ASAP2: variants seen among roughly 807,000 people sequenced by gnomAD.
ASAP2 encodes ArfGAP with SH3 domain, ankyrin repeat and PH domain 2.
ASAP2 carries 45 observed loss-of-function variants against 131.4 expected under a neutral mutation model. The observed-to-expected ratio is 0.34, with a 90% CI of 0.27 to 0.44. ASAP2 has a LOEUF of 0.44. Among genes scored for constraint, ASAP2 ranks in the 20% least tolerant of loss-of-function variants. The pLI is 1.00. For missense variants in ASAP2, 1,011 were observed against 1,297.0 expected (o/e 0.78, Z 3.39); for synonymous variants, 510 against 503.0 (o/e 1.01, Z -0.19).
At chr2:9,233,160 G>T (rs1201468071) in intron 1 of ASAP2, among the ~76,000 whole-genome samples, 2 of 152,216 alleles carry the variant, frequency 1.3e-5, no homozygotes, top group African/African-American at 4.8e-5. Context: ...GGAGGGCTGG[G>T]AGGTTAACCC....
chr2:9,314,680 T>C (rs1224268284), intron 3 of ASAP2, among the ~76,000 whole-genome samples: 4 of 152,054 alleles, frequency 2.6e-5, no homozygotes, highest in Non-Finnish European at 1.5e-5. Context: ...ATACCTGTAA[T>C]CCCAGGTCTT....
chr2:9,347,858 G>A (rs1672069913), intron 11 of ASAP2, among the ~76,000 whole-genome samples: 1 of 152,168 alleles, frequency 6.6e-6, no homozygotes, highest in African/African-American at 2.4e-5. Context: ...GATCAGTCAT[G>A]AAGAAAGAAG....
At chr2:9,212,848 C>T (rs1165657516) in intron 1 of ASAP2, among the ~76,000 whole-genome samples, 1 of 152,164 alleles carries the variant, frequency 6.6e-6, no homozygotes, top group Non-Finnish European at 1.5e-5. Context: ...ACAATTTTTA[C>T]AGCATCTCCA....
intron 20 of ASAP2, among the ~76,000 whole-genome samples, chr2:9,381,789 G>C (rs1674867477): frequency 6.6e-6 from 1 of 152,086 alleles, no homozygotes; most frequent in African/African-American, 2.4e-5. Context: ...TGCAGTCCCA[G>C]CTACTGGGGA....
rs983098090 is a variant in ASAP2, at chr2:9,311,229, A to AAAAAAT, written c.346-7283_346-7278dup. Among the ~76,000 whole-genome samples the AAAAAAT allele has an allele frequency of 6.6e-6, 1 of 151,952 alleles. No homozygotes were observed. The highest frequency in any genetic ancestry group is 2.4e-5 in the African/African-American group (1 of 41,354). On this transcript the variant is annotated intron_variant, in intron 3 of 27. Coordinates refer to ENST00000281419, the MANE Select transcript of ASAP2 (RefSeq NM_003887.3). The surrounding 1 kb of genome is among the most constrained non-coding windows in gnomAD (Gnocchi z 5.2). ...CAACATGGGGAGACCCTGTCTTGAC[A>AAAAAAT]AAAAATAAAAATAAAAAAATTAGCC...
intron 15 of ASAP2, among the ~76,000 whole-genome samples, chr2:9,365,965 C>T (rs1384502936): frequency 6.6e-6 from 1 of 152,132 alleles, no homozygotes; most frequent in Admixed American, 6.5e-5. Flanking sequence ...GGCTCAATTT[C>T]TGCCTCAGTG....
At chr2:9,295,354 G>A (rs547580107) in intron 2 of ASAP2, among the ~76,000 whole-genome samples, 25 of 152,260 alleles carry the variant, frequency 1.6e-4, no homozygotes, top group Non-Finnish European at 2.8e-4. Flanking sequence ...CATGTCTTAC[G>A]AAGTTTAGAA....
At chr2:9,399,848 C>A in intron 24 of ASAP2, 175 bp from the exon 25 acceptor site, 1 of 651,188 alleles carries the variant, frequency 1.5e-6, no homozygotes, top group Non-Finnish European at 2.6e-6. Context: ...TTAGCACTTT[C>A]CTCAGGGCCT....
chr2:9,249,186 C>G (rs750002512), intron 1 of ASAP2, among the ~76,000 whole-genome samples: 1 of 152,186 alleles, frequency 6.6e-6, no homozygotes, highest in Non-Finnish European at 1.5e-5. Flanking sequence ...CAGTTTCTTT[C>G]CTCTGTCAGA....
intron 3 of ASAP2, among the ~76,000 whole-genome samples, chr2:9,303,415 C>T (rs552964097): frequency 6.6e-5 from 10 of 152,250 alleles, no homozygotes; most frequent in South Asian, 6.2e-4. Context: ...CACGATGCTG[C>T]GAGCTGAAGA....
rs759476220 is a variant in ASAP2, at chr2:9,297,457, T to A, written c.345+12T>A. Reference sequence around the variant, plus strand: ...TTTTCAAAAACCTGGTAAGCAGCTCTGTGTATGAAATGCTGCGGTTACTTC... The same window carrying A: ...TTTTCAAAAACCTGGTAAGCAGCTCAGTGTATGAAATGCTGCGGTTACTTC... On this transcript the variant is annotated intron_variant, in intron 3 of 27. Transcript: ENST00000281419. 3.1e-6 allele frequency: 5 copies of A among 1,613,804 alleles called. No homozygotes were observed. The highest frequency in any genetic ancestry group is 4.2e-6 in the Non-Finnish European group (5 of 1,179,776).
intron 9 of ASAP2, among the ~76,000 whole-genome samples, chr2:9,341,345 T>A (rs1293846201): frequency 1.3e-5 from 2 of 152,172 alleles, no homozygotes; most frequent in Non-Finnish European, 2.9e-5. Flanking sequence ...TTAAACAGAT[T>A]ATATTCCTCT....
intron 15 of ASAP2, among the ~76,000 whole-genome samples, chr2:9,367,413 T>C (rs1673566038): frequency 6.6e-6 from 1 of 152,190 alleles, no homozygotes; most frequent in African/African-American, 2.4e-5. Context: ...AAATATGTTT[T>C]CTCAAAGCAC....
At chr2:9,322,942 C>G (rs1427015101) in intron 5 of ASAP2, among the ~76,000 whole-genome samples, 179 bp from the exon 6 acceptor site, 1 of 152,124 alleles carries the variant, frequency 6.6e-6, no homozygotes, top group African/African-American at 2.4e-5. Flanking sequence ...GTGGGAAGAC[C>G]CGGTTTGACA....
chr2:9,398,004 C>T (rs1236945475), intron 24 of ASAP2, among the ~76,000 whole-genome samples: 13 of 151,248 alleles, frequency 8.6e-5, no homozygotes, highest in South Asian at 2.1e-4. Context: ...ATGATCCGCC[C>T]GCCTCGGCCT....
chr2:9,284,825 G>T (rs1667365544), intron 2 of ASAP2, among the ~76,000 whole-genome samples: 1 of 152,192 alleles, frequency 6.6e-6, no homozygotes, highest in South Asian at 2.1e-4. Flanking sequence ...TACAATTTTA[G>T]ATGTAAGTGG....
At chr2:9,237,053 G>T (rs1024935080) in intron 1 of ASAP2, among the ~76,000 whole-genome samples, 1 of 152,148 alleles carries the variant, frequency 6.6e-6, no homozygotes, top group Admixed American at 6.5e-5. Context: ...GGGGAAGGCA[G>T]GAACAGCTTG....
At chr2:9,397,821 C>G (rs1391688441) in intron 24 of ASAP2, among the ~76,000 whole-genome samples, 1 of 124,888 alleles carries the variant, frequency 8.0e-6, no homozygotes, top group Non-Finnish European at 1.6e-5. Flanking sequence ...TGCAGTGGCT[C>G]GATCTCTGCT....
At chr2:9,327,701 A>G in intron 6 of ASAP2, 125 bp from the exon 7 acceptor site, 1 of 644,520 alleles carries the variant, frequency 1.6e-6, no homozygotes, top group Non-Finnish European at 2.6e-6. Context: ...CTAAGTGTCG[A>G]TCATGCACTC....
Sources: gnomAD v4.1 joint callset for allele counts (sites outside exome capture counted in the v4.1 genomes callset) on GRCh38, gnomAD v4.1.1 for gene constraint, Gnocchi (gnomAD v3.1) non-coding constraint, MANE v1.5 for transcripts, NCBI Gene and HGNC (gene_info 2026-07-23, HGNC 2026-07-21) for gene names.